The following NR3C2 variants were observed in gnomAD, a reference collection of about 807,000 sequenced individuals.
The protein encoded by NR3C2 is mineralocorticoid receptor.
Under a neutral mutation model 86.4 loss-of-function variants are expected in NR3C2, and 15 were observed. That is an observed-to-expected ratio of 0.17 (90% confidence interval 0.12 to 0.27). NR3C2 has a LOEUF of 0.27. Among genes scored for constraint, NR3C2 ranks in the 10% least tolerant of loss-of-function variants. The pLI, the probability that NR3C2 is intolerant of heterozygous loss-of-function variation, is 1.00. For synonymous variants in NR3C2, 458 were observed against 450.5 expected, an observed-to-expected ratio of 1.02 and a Z score of -0.21; for missense variants, 960 against 1,195.6, an observed-to-expected ratio of 0.80 and a Z score of 2.91.
chr4:148,338,461 T>C (rs1744597263), intron 2 of NR3C2, among the ~76,000 whole-genome samples: 1 of 152,238 alleles, frequency 6.6e-6, no homozygotes, highest in African/African-American at 2.4e-5. Context: ...AATCTTACTA[T>C]GCACTTCATT....
chr4:148,383,350 G>A (rs910631968), intron 2 of NR3C2, among the ~76,000 whole-genome samples: 7 of 152,142 alleles, frequency 4.6e-5, no homozygotes, highest in Non-Finnish European at 1.0e-4. Context: ...CTTACTTTAT[G>A]TGTTTCCTAT....
chr4:148,212,809 G>A (rs1258031441), intron 3 of NR3C2, among the ~76,000 whole-genome samples: 4 of 152,190 alleles, frequency 2.6e-5, no homozygotes, highest in Non-Finnish European at 5.9e-5. Context: ...TAGTTTTATT[G>A]TGTGGTTTTA....
chr4:148,210,740 A>C (rs1737242905), intron 3 of NR3C2, among the ~76,000 whole-genome samples: 1 of 152,230 alleles, frequency 6.6e-6, no homozygotes, highest in African/African-American at 2.4e-5. Flanking sequence ...AATCATAATA[A>C]GTTTCAAAAG....
intron 6 of NR3C2, among the ~76,000 whole-genome samples, chr4:148,147,923 G>A (rs558760674): frequency 1.5e-4 from 23 of 152,270 alleles, no homozygotes; most frequent in South Asian, 2.1e-4. Flanking sequence ...TAGGGCAGTC[G>A]CATCTCCTTT....
intron 4 of NR3C2, among the ~76,000 whole-genome samples, chr4:148,179,801 C>T (rs2149790629): frequency 6.6e-6 from 1 of 151,940 alleles, no homozygotes; most frequent in East Asian, 1.9e-4. Context: ...CCATGAAATT[C>T]TGCAGTGTAA....
At chr4:148,096,960 G>A (rs1046611262) in intron 8 of NR3C2, among the ~76,000 whole-genome samples, 1 of 152,140 alleles carries the variant, frequency 6.6e-6, no homozygotes, top group Non-Finnish European at 1.5e-5. Context: ...GGTTTTGTTT[G>A]TTAAAATATA....
chr4:148,322,531 T>A (rs1208908034), intron 2 of NR3C2, among the ~76,000 whole-genome samples: 1 of 89,354 alleles, frequency 1.1e-5, no homozygotes, highest in East Asian at 3.4e-4. Flanking sequence ...AGACGTAGAT[T>A]TGGTCTTTTC....
chr4:148,152,359 A>T lies in NR3C2; in HGVS notation c.2510+110T>A, dbSNP rs1734140329. On this transcript the variant is annotated intron_variant, in intron 6 of 8. Transcript: ENST00000358102. Reference sequence around the variant, plus strand: ...TAAATTTTTAACGTTAAAAAATGCCAGTTTCAGTAGATTCTTTCACCAACG... The same window carrying T: ...TAAATTTTTAACGTTAAAAAATGCCTGTTTCAGTAGATTCTTTCACCAACG... 3 of 1,249,204 alleles carry T rather than the reference A, an allele frequency of 2.4e-6. No homozygotes were observed. In the Admixed American group the frequency reaches 6.1e-5, roughly 25 times the overall value. 77.4% of individuals were successfully genotyped at this position (1,249,204 alleles called of 1,614,324 possible).
At chr4:148,434,267 T>C (rs1749931818) in intron 2 of NR3C2, among the ~76,000 whole-genome samples, 1 of 152,198 alleles carries the variant, frequency 6.6e-6, no homozygotes, top group Non-Finnish European at 1.5e-5. Flanking sequence ...AATCCAAGTA[T>C]TCACTGTATA....
At chr4:148,411,082 G>C (rs753613501) in intron 2 of NR3C2, among the ~76,000 whole-genome samples, 3 of 152,132 alleles carry the variant, frequency 2.0e-5, no homozygotes, top group Non-Finnish European at 4.4e-5. Flanking sequence ...TGTAGCAAGA[G>C]CTTAATGTCT....
At chr4:148,368,846 A>T (rs1252112237) in intron 2 of NR3C2, among the ~76,000 whole-genome samples, 1 of 152,214 alleles carries the variant, frequency 6.6e-6, no homozygotes, top group African/African-American at 2.4e-5. Flanking sequence ...TGTTTGGTCC[A>T]GCATGATTTC....
chr4:148,182,774 G>T (rs1308029971), intron 4 of NR3C2, among the ~76,000 whole-genome samples: 2 of 152,206 alleles, frequency 1.3e-5, no homozygotes, highest in Non-Finnish European at 2.9e-5. Flanking sequence ...AGAGATCTAG[G>T]TTCTGGCTCT....
chr4:148,192,473 G>T (rs974080476), intron 4 of NR3C2, among the ~76,000 whole-genome samples: 1 of 152,214 alleles, frequency 6.6e-6, no homozygotes, highest in South Asian at 2.1e-4. Flanking sequence ...CCAGGAAGTG[G>T]CAATTTCCAG....
At chr4:148,402,037 A>C (rs1045104016) in intron 2 of NR3C2, among the ~76,000 whole-genome samples, 1 of 152,194 alleles carries the variant, frequency 6.6e-6, no homozygotes, top group African/African-American at 2.4e-5. Flanking sequence ...AATTAAGCAG[A>C]AAAATTGTGG....
chr4:148,148,569 G>C (rs1733971016), intron 6 of NR3C2, among the ~76,000 whole-genome samples: 1 of 152,122 alleles, frequency 6.6e-6, no homozygotes, highest in Non-Finnish European at 1.5e-5. Context: ...ACACTGTCTT[G>C]CTCTTAGTTC....
intron 3 of NR3C2, among the ~76,000 whole-genome samples, chr4:148,207,434 C>T (rs889995080): frequency 3.3e-5 from 5 of 151,952 alleles, no homozygotes; most frequent in Non-Finnish European, 7.4e-5. Context: ...AGGCTTTAAA[C>T]ATATGTTTTA....
chr4:148,241,318 AAAAAAAAAAAAAAAAG>A lies in NR3C2; in HGVS notation c.1897+18644_1897+18659del, dbSNP rs1324071400. On this transcript the variant is annotated intron_variant, in intron 3 of 8. Transcript: ENST00000358102. The stretch of plus-strand genomic sequence containing the variant: ...AAAACTCTGTCTCAAAAAAAAAAAA[AAAAAAAAAAAAAAAAG>A]GGGAAAAATAAAATCTAATCTCCCT... 8.9e-5 allele frequency among the ~76,000 whole-genome samples: 13 copies of A among 145,838 alleles called. 1 individual carries two copies. The highest frequency in any genetic ancestry group is 3.3e-4 in the African/African-American group (13 of 39,544).
At chr4:148,109,591 C>T (rs58081798) in intron 8 of NR3C2, among the ~76,000 whole-genome samples, 3,038 of 152,278 alleles carry the variant, frequency 0.02, 87 homozygotes, top group African/African-American at 0.069. Flanking sequence ...CCTCTGTAAA[C>T]TAAGCTTATT....
At chr4:148,329,924 C>T (rs1398144556) in intron 2 of NR3C2, among the ~76,000 whole-genome samples, 1 of 152,158 alleles carries the variant, frequency 6.6e-6, no homozygotes, top group Non-Finnish European at 1.5e-5. Context: ...ATGGGTTGTT[C>T]GCTCTAATCA....
Sources: gnomAD v4.1 joint callset for allele counts (sites outside exome capture counted in the v4.1 genomes callset) on GRCh38, gnomAD v4.1.1 for gene constraint, MANE v1.5 for transcripts, NCBI Gene and HGNC (gene_info 2026-07-23, HGNC 2026-07-21) for gene names.